Variants in SPICE1 observed in about 807,000 individuals in gnomAD.
The protein encoded by SPICE1 is spindle and centriole associated protein 1, also known as spindle and centriole-associated protein 1.
Under a neutral mutation model 102.7 loss-of-function variants are expected in SPICE1, and 75 were observed. The observed-to-expected ratio is 0.73, with a 90% confidence interval of 0.61 to 0.88. The LOEUF is 0.88. Ranked by LOEUF, SPICE1 falls within the 40% of genes least tolerant of loss-of-function variation. The pLI, the probability that SPICE1 is intolerant of heterozygous loss-of-function variation, is 0.00. For missense variants in SPICE1, 979 were observed against 1,020.1 expected (o/e 0.96, Z 0.55); for synonymous variants, 308 against 350.3 (o/e 0.88, Z 1.35).
intron 1 of SPICE1, among the ~76,000 whole-genome samples, chr3:113,508,909 C>G (rs1937163875): frequency 6.6e-6 from 1 of 152,192 alleles, no homozygotes; most frequent in African/African-American, 2.4e-5. Flanking sequence ...ACACAATGGA[C>G]TATTACTTGG....
At chr3:113,514,817 C>G (rs1264727137) in intron 1 of SPICE1, 80 bp downstream of exon 1, 2 of 1,261,706 alleles carry the variant, frequency 1.6e-6, no homozygotes, top group Admixed American at 5.0e-5. Flanking sequence ...CAAAAGCTCC[C>G]GAAAGCGGTG....
intron 7 of SPICE1, among the ~76,000 whole-genome samples, chr3:113,486,524 A>C (rs1345622550): frequency 6.6e-6 from 1 of 151,514 alleles, no homozygotes; most frequent in African/African-American, 2.4e-5. Context: ...ATATATGAGA[A>C]TGGTCAAATA....
At chr3:113,468,532 T>C in intron 9 of SPICE1, 128 bp from the exon 10 acceptor site, 1 of 1,201,378 alleles carries the variant, frequency 8.3e-7, no homozygotes, top group Non-Finnish European at 1.2e-6. Context: ...ACCATTTCTC[T>C]CATAAAAATT....
Position 113,465,753 on chromosome 3 carries a change from G to T in SPICE1, c.1187C>A (p.Thr396Lys), listed in dbSNP as rs998500092. Residue 396 changes from threonine (T) to lysine (K), a missense_variant, in exon 11 of 18, where the codon ACA (threonine) becomes AAA (lysine). Coordinates refer to ENST00000295872, the MANE Select transcript of SPICE1 (RefSeq NM_144718.4). ...SEIQLRKEVETRQQLEQVLGD... is the reference protein window; with the variant it reads ...SEIQLRKEVEKRQQLEQVLGD... ...TAATACTTGTTCCAGTTGTTGCCTT[G>T]TCTCTACTTCTTTACGTAGCTGGAT... The T allele has an allele frequency of 1.2e-6, 2 of 1,613,684 alleles. No homozygotes were observed. The highest frequency in any genetic ancestry group is 1.7e-6 in the Non-Finnish European group (2 of 1,179,852).
At chr3:113,477,286 A>T (rs1188767591) in intron 7 of SPICE1, among the ~76,000 whole-genome samples, 1 of 152,120 alleles carries the variant, frequency 6.6e-6, no homozygotes, top group African/African-American at 2.4e-5. Context: ...TCAGGAAACA[A>T]CAGGTGCTGG....
At chr3:113,499,275 C>A (rs1008155383) in intron 4 of SPICE1, 164 bp downstream of exon 4, 11 of 649,484 alleles carry the variant, frequency 1.7e-5, no homozygotes, top group East Asian at 1.5e-4. Flanking sequence ...CCAAACCAGA[C>A]TCCAGTCACC....
chr3:113,469,842 G>C (rs1389705808), intron 7 of SPICE1, among the ~76,000 whole-genome samples: 1 of 152,062 alleles, frequency 6.6e-6, no homozygotes. Flanking sequence ...TCTTTCTCTA[G>C]AGTAAAGTAA....
chr3:113,513,370 C>T (rs955298355), intron 1 of SPICE1, among the ~76,000 whole-genome samples: 1 of 152,104 alleles, frequency 6.6e-6, no homozygotes, highest in Non-Finnish European at 1.5e-5. Flanking sequence ...ACGATGGCGC[C>T]CCTGCACTCC....
chr3:113,453,750 G>A lies in SPICE1; in HGVS notation c.1858C>T (p.Pro620Ser). 1 of 1,614,148 alleles carries A rather than the reference G, an allele frequency of 6.2e-7. No homozygotes were observed. Among genetic ancestry groups the A allele is most frequent in the Non-Finnish European group, 8.5e-7 (1 of 1,180,026 alleles). Residue 620 changes from proline (P) to serine (S), a missense_variant, in exon 14 of 18, where the codon CCT (proline) becomes TCT (serine). Coordinates refer to ENST00000295872, the MANE Select transcript of SPICE1 (RefSeq NM_144718.4). ...GEDLENKTQA[P>S]FVNLSQPLCN... ...AGGGGCTGTGAGAGGTTAACAAAAG[G>A]AGCCTGAGTTTTGTTCTCCAAATCT...
At chr3:113,512,864 G>A (rs1937247828) in intron 1 of SPICE1, among the ~76,000 whole-genome samples, 1 of 152,106 alleles carries the variant, frequency 6.6e-6, no homozygotes, top group African/African-American at 2.4e-5. Flanking sequence ...TTGGGGGAGT[G>A]CAGCACACAC....
intron 1 of SPICE1, among the ~76,000 whole-genome samples, chr3:113,510,436 G>C (rs1237337813): frequency 6.6e-6 from 1 of 152,004 alleles, no homozygotes; most frequent in East Asian, 1.9e-4. Context: ...ATAGACCAAC[G>C]GAACAGAATG....
intron 7 of SPICE1, among the ~76,000 whole-genome samples, chr3:113,485,950 T>C (rs1936637484): frequency 6.6e-6 from 1 of 151,694 alleles, no homozygotes; most frequent in Non-Finnish European, 1.5e-5. Context: ...TAGTCTCTAA[T>C]AAAAATACAA....
intron 4 of SPICE1, among the ~76,000 whole-genome samples, chr3:113,494,687 C>G (rs559759282): frequency 6.6e-6 from 1 of 151,194 alleles, no homozygotes; most frequent in East Asian, 1.9e-4. Flanking sequence ...TGACCCACCA[C>G]ATTTACATAC....
chr3:113,499,609 G>A (rs1460998476), intron 3 of SPICE1, 27 bp from the exon 4 acceptor site: 1 of 1,550,892 alleles, frequency 6.4e-7, no homozygotes, highest in Non-Finnish European at 8.7e-7. Context: ...AGTACATAAA[G>A]GAATGTTTCA....
intron 11 of SPICE1, among the ~76,000 whole-genome samples, chr3:113,463,050 T>C (rs1935969577): frequency 1.3e-5 from 2 of 152,140 alleles, no homozygotes; most frequent in Admixed American, 6.6e-5. Context: ...CGCACTTGCT[T>C]TTCCTCTGCC....
intron 7 of SPICE1, among the ~76,000 whole-genome samples, chr3:113,487,182 G>A (rs1487751811): frequency 1.3e-5 from 2 of 152,022 alleles, no homozygotes; most frequent in Admixed American, 6.6e-5. Context: ...AGTAGTATGG[G>A]CGCAGCAATT....
chr3:113,498,184 T>TA (rs1936937815), intron 4 of SPICE1, among the ~76,000 whole-genome samples: 1 of 152,244 alleles, frequency 6.6e-6, no homozygotes, highest in East Asian at 1.9e-4. Context: ...CTGTTATATA[T>TA]TTTTTTAATG....
chr3:113,512,656 C>T (rs541875619), intron 1 of SPICE1, among the ~76,000 whole-genome samples: 1 of 152,298 alleles, frequency 6.6e-6, no homozygotes, highest in East Asian at 1.9e-4. Flanking sequence ...ATCTACCTGC[C>T]TTGGCCTCCC....
At chr3:113,467,667 T>C (rs6773497) in intron 10 of SPICE1, among the ~76,000 whole-genome samples, 32,724 of 152,124 alleles carry the variant, frequency 0.22, 3,913 homozygotes, top group African/African-American at 0.32. Flanking sequence ...CACTTAGACA[T>C]TGAAGCCATA....
Sources: allele counts gnomAD v4.1 joint callset (sites outside exome capture counted in the v4.1 genomes callset), GRCh38; gene constraint gnomAD v4.1.1; transcripts MANE v1.5; gene names NCBI Gene and HGNC (gene_info 2026-07-23, HGNC 2026-07-21).